Variants in GLIPR1L2 observed in about 807,000 individuals in gnomAD.
GLIPR1L2 encodes the protein GLIPR1 like 2.
In GLIPR1L2, 21 loss-of-function variants were observed where a neutral mutation model predicts 28.4. The ratio of observed to expected loss-of-function variants is 0.74; its 90% CI spans 0.52 to 1.06. The LOEUF (loss-of-function observed/expected upper bound fraction) is 1.06. Ranked by LOEUF, GLIPR1L2 falls within the 50% of genes least tolerant of loss-of-function variation. GLIPR1L2 has a pLI of 0.00. For synonymous variants in GLIPR1L2, 145 were observed against 139.3 expected, an observed-to-expected ratio of 1.04 and a Z score of -0.29; for missense variants, 476 against 416.9, an observed-to-expected ratio of 1.14 and a Z score of -1.23.
chr12:75,429,283 A>T (rs1330337146), intron 4 of GLIPR1L2, among the ~76,000 whole-genome samples: 1 of 152,108 alleles, frequency 6.6e-6, no homozygotes, highest in Non-Finnish European at 1.5e-5. Context: ...GAGCCAAAGG[A>T]GATTATTTTG....
chr12:75,409,890 C>T (rs1179361928), intron 1 of GLIPR1L2, among the ~76,000 whole-genome samples: 2 of 147,266 alleles, frequency 1.4e-5, no homozygotes, highest in Non-Finnish European at 3.0e-5. Context: ...TTATCTAATC[C>T]AATATATATA....
chr12:75,416,392 C>A (rs1190715097), intron 3 of GLIPR1L2, among the ~76,000 whole-genome samples: 2 of 130,568 alleles, frequency 1.5e-5, no homozygotes, highest in African/African-American at 2.7e-5. Context: ...ATTAGATCAG[C>A]ATGTGGGAGA....
At position 75,410,429 on chromosome 12, in the gene GLIPR1L2, T is replaced by G. The variant is rs1393920036; in HGVS notation, c.235-5T>G. 27 of 1,505,046 alleles carry G rather than the reference T, an allele frequency of 1.8e-5. No individual in the cohort carries two copies. Among genetic ancestry groups the G allele is most frequent in the Non-Finnish European group, 2.1e-5 (24 of 1,126,816 alleles). 93.2% of individuals were successfully genotyped at this position (1,505,046 alleles called of 1,614,324 possible). A position where few individuals can be genotyped will look rare whatever the true frequency, so the allele number is the denominator to read the frequency against. The stretch of plus-strand genomic sequence containing the variant: ...TGTTCTCTTTGCTTTTTGAATATTT[T>G]TCAGACTTGGGATGTAGCTTTATCA... On this transcript the variant is annotated splice_region_variant and splice_polypyrimidine_tract_variant and intron_variant, in intron 1 of 5. Coordinates refer to ENST00000550916, the MANE Select transcript of GLIPR1L2 (RefSeq NM_001270396.2).
chr12:75,423,392 T>G, intron 4 of GLIPR1L2: 1 of 984,808 alleles, frequency 1.0e-6, no homozygotes, highest in South Asian at 4.8e-5. Flanking sequence ...TCCAAAAAGC[T>G]GAAATCTCCA....
intron 1 of GLIPR1L2, among the ~76,000 whole-genome samples, chr12:75,406,906 T>C (rs995713882): frequency 1.3e-5 from 2 of 152,036 alleles, no homozygotes; most frequent in Non-Finnish European, 2.9e-5. Context: ...TTAGGCCCTG[T>C]CCTATGGCCT....
At chr12:75,403,268 T>G (rs1460431681) in intron 1 of GLIPR1L2, 1 of 371,750 alleles carries the variant, frequency 2.7e-6, no homozygotes, top group Admixed American at 3.5e-5. Flanking sequence ...TTAGATTTCT[T>G]TGTCTGAAAG....
At chr12:75,428,252 TTGCTA>T (rs1243116626) in intron 4 of GLIPR1L2, among the ~76,000 whole-genome samples, 1 of 152,224 alleles carries the variant, frequency 6.6e-6, no homozygotes, top group Non-Finnish European at 1.5e-5. Context: ...AAGGTCATTC[TTGCTA>T]TGCTTTAGCA....
chr12:75,418,592 T>C (rs546296816), intron 3 of GLIPR1L2, among the ~76,000 whole-genome samples: 2 of 152,174 alleles, frequency 1.3e-5, no homozygotes, highest in African/African-American at 2.4e-5. Context: ...ATTGTAGTAA[T>C]AGTTTGAAGT....
intron 1 of GLIPR1L2, among the ~76,000 whole-genome samples, chr12:75,409,455 A>G (rs2045838466): frequency 1.3e-5 from 2 of 151,580 alleles, no homozygotes; most frequent in Non-Finnish European, 2.9e-5. Flanking sequence ...GCCAGGGAAC[A>G]GCATCTTATG....
Position 75,413,657 on chromosome 12 carries a change from A to T in GLIPR1L2, c.540A>T (p.Gly180=). 1 of 1,560,884 alleles carries T rather than the reference A, an allele frequency of 6.4e-7. No individual in the cohort carries two copies. The highest frequency in any genetic ancestry group is 8.6e-7 in the Non-Finnish European group (1 of 1,156,414). Residue 180 remains glycine (G), a synonymous_variant, in exon 3 of 6, where the codon GGA becomes GGT. Coordinates refer to ENST00000550916, the MANE Select transcript of GLIPR1L2 (RefSeq NM_001270396.2). ...GCAVTPCSKI[G]HIIHAAIFIC... ...CTGTTACTCCATGTTCAAAAATTGG[A>T]CATATTATACATGCAGCAATTTTCA...
At chr12:75,408,517 CT>C (rs1313320024) in intron 1 of GLIPR1L2, among the ~76,000 whole-genome samples, 1 of 151,940 alleles carries the variant, frequency 6.6e-6, no homozygotes, top group East Asian at 1.9e-4. Context: ...AAAATAGTGA[CT>C]GCTATGTAGT....
chr12:75,431,093 G>GA lies in GLIPR1L2; in HGVS notation c.972dup (p.Glu325ArgfsTer52), dbSNP rs1322822348. ...AATGGAAATAATGGAAATGGAGGAG[G>GA]AAAAAGAAGAGAGAGAGGAGGAGGA... On this transcript the variant is annotated frameshift_variant, in exon 6 of 6. Coordinates refer to ENST00000550916, the MANE Select transcript of GLIPR1L2 (RefSeq NM_001270396.2). LOFTEE classifies it low-confidence loss of function (END_TRUNC). 8.2e-7 allele frequency: 1 copy of GA among 1,215,062 alleles called. No homozygotes were observed. Among genetic ancestry groups the GA allele is most frequent in the Non-Finnish European group, 1.2e-6 (1 of 855,888 alleles). The allele number at this position is 1,215,062 out of a possible 1,614,324, so 75.3% of individuals were successfully genotyped here. A position where few individuals can be genotyped will look rare whatever the true frequency, so the allele number is the denominator to read the frequency against.
At chr12:75,422,816 G>C (rs369513147) in intron 3 of GLIPR1L2, 88 bp from the exon 4 acceptor site, 1 of 1,090,446 alleles carries the variant, frequency 9.2e-7, no homozygotes, top group East Asian at 2.6e-5. Flanking sequence ...TTTTTAACCT[G>C]ATTAAAAATT....
At chr12:75,423,469 G>T in intron 4 of GLIPR1L2, 1 of 865,098 alleles carries the variant, frequency 1.2e-6, no homozygotes, top group Non-Finnish European at 1.4e-6. Context: ...TTCCAAACAT[G>T]AGAGAATATA....
intron 4 of GLIPR1L2, among the ~76,000 whole-genome samples, chr12:75,426,094 CAA>C (rs1179090703): frequency 1.3e-5 from 2 of 151,966 alleles, no homozygotes; most frequent in Admixed American, 1.3e-4. Flanking sequence ...AGTAATAAAA[CAA>C]ATTTTACAGA....
At chr12:75,400,239 C>A (rs923630653) in intron 1 of GLIPR1L2, among the ~76,000 whole-genome samples, 1 of 152,182 alleles carries the variant, frequency 6.6e-6, no homozygotes, top group Non-Finnish European at 1.5e-5. Flanking sequence ...CTGCCTCAGC[C>A]TCCCGAGTAG....
chr12:75,423,959 G>C (rs983606705), intron 4 of GLIPR1L2: 1 of 152,194 alleles, frequency 6.6e-6, no homozygotes, highest in African/African-American at 2.4e-5. Flanking sequence ...TCTTTATCCA[G>C]TCTATCATTG....
intron 3 of GLIPR1L2, among the ~76,000 whole-genome samples, chr12:75,415,860 G>A (rs1424353403): frequency 6.6e-6 from 1 of 152,014 alleles, no homozygotes; most frequent in Non-Finnish European, 1.5e-5. Context: ...AAAACTCTCT[G>A]CTTTTAAAAC....
intron 1 of GLIPR1L2, among the ~76,000 whole-genome samples, chr12:75,399,931 C>T (rs543541228): frequency 6.6e-6 from 1 of 152,244 alleles, no homozygotes; most frequent in South Asian, 2.1e-4. Flanking sequence ...ATCCTAAGGA[C>T]ATACTATACA....
Sources: allele counts gnomAD v4.1 joint callset (sites outside exome capture counted in the v4.1 genomes callset), GRCh38; gene constraint gnomAD v4.1.1; transcripts MANE v1.5; gene names NCBI Gene and HGNC (gene_info 2026-07-23, HGNC 2026-07-21).